Variants in RBFOX3 observed in about 807,000 individuals in gnomAD.
RBFOX3 encodes RNA binding fox-1 homolog 3, also known as RNA binding protein fox-1 homolog 3.
Under a neutral mutation model 48.7 loss-of-function variants are expected in RBFOX3, and 17 were observed. That is an observed-to-expected ratio of 0.35 (90% confidence interval 0.24 to 0.52). The LOEUF is 0.52. Among genes scored for constraint, RBFOX3 ranks in the 20% least tolerant of loss-of-function variants. The pLI is 0.94. For missense variants in RBFOX3, 382 were observed against 497.5 expected (o/e 0.77, Z 2.21); for synonymous variants, 212 against 209.5 (o/e 1.01, Z -0.10).
the RBFOX3 span, among the ~76,000 whole-genome samples, chr17:79,657,364 G>T: frequency 1.5e-3 from 235 of 152,324 alleles, no homozygotes; most frequent in Middle Eastern, 3.4e-3. Flanking sequence ...TCTGAGGCTG[G>T]ATTCTAGAAG....
intron 4 of RBFOX3, among the ~76,000 whole-genome samples, chr17:79,173,722 C>G (rs1238190427): frequency 2.0e-5 from 3 of 152,136 alleles, no homozygotes; most frequent in Non-Finnish European, 4.4e-5. Flanking sequence ...GAGCTGGAGC[C>G]ACCCCTGGAT....
chr17:79,183,400 T>G (rs2052621220), intron 4 of RBFOX3: 1 of 152,208 alleles, frequency 6.6e-6, no homozygotes, highest in African/African-American at 2.4e-5. Flanking sequence ...GCGGCGGCTC[T>G]GCGCTCGCTG....
chr17:79,612,602 G>A (rs922885723), upstream of RBFOX3, among the ~76,000 whole-genome samples: 105 of 152,322 alleles, frequency 6.9e-4, no homozygotes, highest in African/African-American at 2.2e-3. Flanking sequence ...GGTGGGAATC[G>A]TGTTATACAA....
chr17:79,490,708 G>T (rs1292965780), intron 1 of RBFOX3, among the ~76,000 whole-genome samples: 1 of 129,104 alleles, frequency 7.7e-6, no homozygotes, highest in African/African-American at 2.7e-5. Flanking sequence ...ACCTGTTGAG[G>T]GGCCTGCAGT....
intron 1 of RBFOX3, among the ~76,000 whole-genome samples, chr17:79,506,932 C>T (rs1286520840): frequency 6.6e-6 from 1 of 152,194 alleles, no homozygotes; most frequent in Non-Finnish European, 1.5e-5. Context: ...CCACAGGAGG[C>T]CTGCGCAGAT....
chr17:79,407,721 C>T (rs1231478051), intron 2 of RBFOX3, among the ~76,000 whole-genome samples: 3 of 152,032 alleles, frequency 2.0e-5, no homozygotes. Flanking sequence ...GAGAGCTAGG[C>T]GGCCGGGAGC....
chr17:79,430,624 C>A (rs1291120526), intron 2 of RBFOX3, among the ~76,000 whole-genome samples: 2 of 152,240 alleles, frequency 1.3e-5, no homozygotes, highest in Admixed American at 1.3e-4. Flanking sequence ...CAGCTCACTG[C>A]AACCACCGCC....
At chr17:79,604,593 C>T (rs968299703) in intron 1 of RBFOX3, among the ~76,000 whole-genome samples, 22 of 152,148 alleles carry the variant, frequency 1.4e-4, no homozygotes, top group Non-Finnish European at 1.5e-5. Flanking sequence ...CCCCAGCCCT[C>T]AAAAGTTCCA....
chr17:79,370,265 C>T (rs1035842138), intron 2 of RBFOX3, among the ~76,000 whole-genome samples: 7 of 152,352 alleles, frequency 4.6e-5, no homozygotes, highest in East Asian at 3.9e-4. Context: ...CCACTCTGCC[C>T]GGGTTGCCAC....
upstream of RBFOX3, among the ~76,000 whole-genome samples, chr17:79,614,973 T>C (rs1321463055): frequency 6.6e-6 from 1 of 152,106 alleles, no homozygotes; most frequent in African/African-American, 2.4e-5. Flanking sequence ...CTTAAGAATT[T>C]TTTTCCAGAA....
intron 1 of RBFOX3, among the ~76,000 whole-genome samples, chr17:79,504,528 C>T (rs1457913754): frequency 6.6e-6 from 1 of 152,234 alleles, no homozygotes; most frequent in Admixed American, 6.5e-5. Context: ...CCTCCAGAGG[C>T]TCCAGGAGAG....
At chr17:79,246,670 C>T (rs1375359666) in intron 3 of RBFOX3, among the ~76,000 whole-genome samples, 2 of 152,226 alleles carry the variant, frequency 1.3e-5, no homozygotes, top group African/African-American at 2.4e-5. Context: ...GATGTCTCTC[C>T]TATGCTGGTG....
chr17:79,186,406 A>G (rs932235344), intron 4 of RBFOX3, among the ~76,000 whole-genome samples: 5 of 152,230 alleles, frequency 3.3e-5, no homozygotes, highest in Admixed American at 2.0e-4. Flanking sequence ...AGTGTCGCGC[A>G]GGCCTGACTC....
intron 3 of RBFOX3, among the ~76,000 whole-genome samples, chr17:79,248,377 C>T (rs956640935): frequency 9.2e-5 from 14 of 151,978 alleles, no homozygotes; most frequent in African/African-American, 2.2e-4. Context: ...GGACTACAGG[C>T]GCCCGTCAAG....
chr17:79,107,689 C>T (rs189084093), intron 5 of RBFOX3, among the ~76,000 whole-genome samples: 93 of 152,330 alleles, frequency 6.1e-4, no homozygotes, highest in Admixed American at 2.2e-3. Context: ...GGTGACTGTC[C>T]GAGGTGGCCA....
chr17:79,331,469 C>G (rs2080281843), intron 2 of RBFOX3, among the ~76,000 whole-genome samples: 1 of 152,160 alleles, frequency 6.6e-6, no homozygotes, highest in Non-Finnish European at 1.5e-5. Context: ...ACCTGGGGAC[C>G]CAACACAAAT....
At chr17:79,451,228 GA>G (rs201970937) in intron 2 of RBFOX3, among the ~76,000 whole-genome samples, 7 of 151,228 alleles carry the variant, frequency 4.6e-5, no homozygotes, top group Admixed American at 6.6e-5. Flanking sequence ...TAGTAAATGA[GA>G]AAAAAAAATA....
intron 2 of RBFOX3, among the ~76,000 whole-genome samples, chr17:79,374,170 G>T (rs75408122): frequency 6.6e-6 from 1 of 152,204 alleles, no homozygotes; most frequent in African/African-American, 2.4e-5. Context: ...GCTTTGTGAT[G>T]AGTTTTCTAA....
chr17:79,113,370 G>A (rs2032760974), intron 5 of RBFOX3, among the ~76,000 whole-genome samples: 1 of 152,106 alleles, frequency 6.6e-6, no homozygotes, highest in African/African-American at 2.4e-5. Context: ...GGGGCACCAC[G>A]CCGATGCCGT....
Sources: allele counts gnomAD v4.1 joint callset (sites outside exome capture counted in the v4.1 genomes callset), GRCh38; gene constraint gnomAD v4.1.1; transcripts MANE v1.5; gene names NCBI Gene and HGNC (gene_info 2026-07-23, HGNC 2026-07-21).